DRC10: variants seen among roughly 807,000 people sequenced by gnomAD.
DRC10 encodes the protein IQ domain-containing protein D.
the DRC10 span, chr12:113,203,034 C>CTTTTTTT: frequency 2.6e-6 from 1 of 381,824 alleles, no homozygotes; most frequent in Admixed American, 2.8e-5. Flanking sequence ...TACTGTTTCC[C>CTTTTTTT]TTTTTTTTTT....
the DRC10 span, among the ~76,000 whole-genome samples, chr12:113,204,128 C>T: frequency 6.6e-6 from 1 of 152,166 alleles, no homozygotes; most frequent in Non-Finnish European, 1.5e-5. Context: ...GTAGTTTCAG[C>T]TACTCAAAAG....
the DRC10 span, among the ~76,000 whole-genome samples, chr12:113,202,321 A>G: frequency 2.0e-5 from 3 of 152,240 alleles, no homozygotes; most frequent in African/African-American, 7.2e-5. Context: ...AATGTTATCC[A>G]CAAAGTCAGG....
At chr12:113,208,198 C>T in the DRC10 span, 9 of 1,580,822 alleles carry the variant, frequency 5.7e-6, no homozygotes, top group Non-Finnish European at 7.7e-6. Context: ...CTCTGTAGGT[C>T]CACAGAGATG....
At chr12:113,212,011 G>C in the DRC10 span, among the ~76,000 whole-genome samples, 3 of 151,908 alleles carry the variant, frequency 2.0e-5, no homozygotes, top group Non-Finnish European at 4.4e-5. Context: ...GCTACAGTGA[G>C]CCATGATCGC....
At chr12:113,202,873 C>G in the DRC10 span, 1 of 293,360 alleles carries the variant, frequency 3.4e-6, no homozygotes, top group African/African-American at 2.2e-5. Context: ...TAAGCCACAG[C>G]TATTTTGGGT....
chr12:113,195,516 G>C, the DRC10 span: 4 of 1,503,134 alleles, frequency 2.7e-6, no homozygotes, highest in African/African-American at 2.8e-5. Flanking sequence ...TCTCCATCTC[G>C]GGCCTTCCTG....
the DRC10 span, among the ~76,000 whole-genome samples, chr12:113,213,354 A>G: frequency 6.6e-6 from 1 of 152,150 alleles, no homozygotes; most frequent in Non-Finnish European, 1.5e-5. Flanking sequence ...CACCCAGGTA[A>G]TAAGCATAGT....
the DRC10 span, among the ~76,000 whole-genome samples, chr12:113,218,283 T>C: frequency 1.3e-5 from 2 of 152,064 alleles, no homozygotes; most frequent in East Asian, 3.9e-4. Context: ...ATTACAGGCA[T>C]GCGCCACCAC....
the DRC10 span, chr12:113,197,532 G>A: frequency 1.1e-5 from 16 of 1,522,320 alleles, no homozygotes; most frequent in South Asian, 2.4e-5. Flanking sequence ...CTTATTCAGC[G>A]ACAAATACCT....
At chr12:113,210,464 G>A in the DRC10 span, among the ~76,000 whole-genome samples, 67 of 152,114 alleles carry the variant, frequency 4.4e-4, no homozygotes, top group South Asian at 2.3e-3. Flanking sequence ...ATTGCTGAAC[G>A]AACACCTACT....
At chr12:113,195,883 A>C in the DRC10 span, 3 of 1,600,376 alleles carry the variant, frequency 1.9e-6, no homozygotes, top group African/African-American at 1.3e-5. Context: ...AGATCCTCCA[A>C]CTCCTCCTGG....
the DRC10 span, chr12:113,200,506 G>A: frequency 8.9e-7 from 1 of 1,122,582 alleles, no homozygotes; most frequent in Non-Finnish European, 1.3e-6. Context: ...GGACCTCCAG[G>A]AGTGATGGAA....
the DRC10 span, chr12:113,207,882 C>T: frequency 2.5e-6 from 4 of 1,614,182 alleles, no homozygotes; most frequent in Admixed American, 3.3e-5. Flanking sequence ...GGCAGAGATC[C>T]TCATGCTCTC....
chr12:113,218,738 G>A, the DRC10 span, among the ~76,000 whole-genome samples: 1 of 152,052 alleles, frequency 6.6e-6, no homozygotes, highest in African/African-American at 2.4e-5. Flanking sequence ...GTGAGCCACT[G>A]GGCCAAAAAC....
the DRC10 span, among the ~76,000 whole-genome samples, chr12:113,205,696 T>A: frequency 1.3e-5 from 2 of 149,554 alleles, no homozygotes; most frequent in Non-Finnish European, 3.0e-5. Context: ...GAGACCATCC[T>A]GGCTAACAAG....
At chr12:113,214,452 G>A in the DRC10 span, among the ~76,000 whole-genome samples, 1 of 147,364 alleles carries the variant, frequency 6.8e-6, no homozygotes, top group Non-Finnish European at 1.5e-5. Context: ...GTTGCAGTGA[G>A]CTGAGATCGC....
chr12:113,214,083 C>T, the DRC10 span, among the ~76,000 whole-genome samples: 4 of 152,262 alleles, frequency 2.6e-5, no homozygotes, highest in South Asian at 4.1e-4. Flanking sequence ...AGCTTTCTTC[C>T]GAACTCTGTA....
chr12:113,195,616 C>T, the DRC10 span: 1 of 1,610,924 alleles, frequency 6.2e-7, no homozygotes, highest in East Asian at 2.2e-5. Context: ...TTCTGCTTGC[C>T]CTTCTCCTTG....
the DRC10 span, among the ~76,000 whole-genome samples, chr12:113,211,858 G>C: frequency 6.6e-6 from 1 of 151,926 alleles, no homozygotes. Flanking sequence ...TTGAGCCCAG[G>C]AGTTCAAGAT....
Sources: allele counts gnomAD v4.1 joint callset (sites outside exome capture counted in the v4.1 genomes callset), GRCh38; gene constraint gnomAD v4.1.1; transcripts MANE v1.5; gene names NCBI Gene and HGNC (gene_info 2026-07-23, HGNC 2026-07-21).